The following DNAI3 variants were observed in gnomAD, a reference collection of about 807,000 sequenced individuals.
DNAI3 encodes the protein dynein axonemal intermediate chain 3, also known as WD repeat domain 63.
A neutral mutation model predicts 115.5 loss-of-function variants in DNAI3; 83 were observed. That is an observed-to-expected ratio of 0.72 (90% CI 0.60 to 0.86). The LOEUF is 0.86. Ranked by LOEUF, DNAI3 falls within the 40% of genes least tolerant of loss-of-function variation. The pLI, the probability that DNAI3 is intolerant of heterozygous loss-of-function variation, is 0.00. For synonymous variants in DNAI3, 320 were observed against 347.0 expected (o/e 0.92, Z 0.86); for missense variants, 1,004 against 1,075.8 (o/e 0.93, Z 0.93).
At chr1:85,088,056 G>C (rs1472323766) in intron 7 of DNAI3, among the ~76,000 whole-genome samples, 1 of 152,072 alleles carries the variant, frequency 6.6e-6, no homozygotes, top group Non-Finnish European at 1.5e-5. Flanking sequence ...CAGGGAAGGA[G>C]GACATCAGAC....
intron 6 of DNAI3, 26 bp downstream of exon 6, chr1:85,084,721 A>G (rs1449186689): frequency 9.8e-6 from 14 of 1,430,632 alleles, no homozygotes; most frequent in Non-Finnish European, 1.3e-5. Context: ...ATGATCTGTA[A>G]TCATTACCTC....
Position 85,117,815 on chromosome 1 carries a change from A to G in DNAI3, c.1873A>G (p.Lys625Glu), listed in dbSNP as rs1488818976. ...NLESGMANLL[K>E]PIDDFCTKFF... ...GGAAAGTGGGATGGCCAATCTTCTC[A>G]AGCCAATAGATGACTTCTGCACAAA... The change falls in exon 17 of 23, where the codon AAG becomes GAG. Residue 625 changes from lysine (K) to glutamate (E), a missense_variant. Lys to Glu is a moderately conservative substitution (Grantham distance 56, BLOSUM62 1). Around this residue, in one of 3 missense-constraint regions of DNAI3, gnomAD observed 429 missense variants for 454.3 expected, o/e 0.94. Coordinates refer to ENST00000294664, the MANE Select transcript of DNAI3 (RefSeq NM_145172.5). 8 of 1,613,906 alleles carry G rather than the reference A, an allele frequency of 5.0e-6. No homozygotes were observed. The highest frequency in any genetic ancestry group is 6.8e-6 in the Non-Finnish European group (8 of 1,179,788).
Position 85,090,244 on chromosome 1 carries a change from C to T in DNAI3, c.857+12C>T. On this transcript the variant is annotated intron_variant, in intron 8 of 22. Transcript: ENST00000294664. ...AATGCATCCATAAGGTAAAAAATTG[C>T]ATATTAAATTTTAAAAATAAAACAT... 4 of 1,443,548 alleles carry T rather than the reference C, an allele frequency of 2.8e-6. No homozygotes were observed. Among genetic ancestry groups the T allele is most frequent in the South Asian group, 1.4e-5 (1 of 73,290 alleles). 89.4% of individuals were successfully genotyped at this position (1,443,548 alleles called of 1,614,324 possible).
At chr1:85,078,119 A>G (rs1654515694) in intron 3 of DNAI3, among the ~76,000 whole-genome samples, 1 of 152,128 alleles carries the variant, frequency 6.6e-6, no homozygotes, top group South Asian at 2.1e-4. Flanking sequence ...GTCTATGTGT[A>G]GAGAAGCAGG....
intron 11 of DNAI3, 140 bp from the exon 12 acceptor site, chr1:85,097,429 A>G: frequency 1.8e-6 from 1 of 548,172 alleles, no homozygotes; most frequent in Non-Finnish European, 2.9e-6. Flanking sequence ...AAAATTGCTG[A>G]CTTACTTAAG....
chr1:85,081,158 A>G, intron 3 of DNAI3, 76 bp from the exon 4 acceptor site: 1 of 1,218,770 alleles, frequency 8.2e-7, no homozygotes, highest in Non-Finnish European at 1.1e-6. Context: ...ATTAAAACCA[A>G]GCGATTGCAT....
At position 85,124,162 on chromosome 1, in the gene DNAI3, G is replaced by A. The variant is rs778236609; in HGVS notation, c.2023G>A (p.Val675Ile). 43 of 1,614,100 alleles carry A rather than the reference G, an allele frequency of 2.7e-5. No individual in the cohort carries two copies. In the South Asian group the frequency reaches 4.5e-4, roughly 17 times the overall value. Residue 675 changes from valine (V) to isoleucine (I), a missense_variant, in exon 19 of 23, where the codon GTC becomes ATC. Transcript: ENST00000294664. ...VSHHTIHDGT[V>I]HTIQRSPFYN... The stretch of plus-strand genomic sequence containing the variant: ...CCACCACACCATTCACGACGGAACT[G>A]TCCACACTATTCAGAGATCACCTTT...
chr1:85,127,081 T>C (rs1656170186), intron 20 of DNAI3, among the ~76,000 whole-genome samples: 1 of 152,226 alleles, frequency 6.6e-6, no homozygotes, highest in Non-Finnish European at 1.5e-5. Flanking sequence ...ATCTTTGTTA[T>C]CTTTTGCTGA....
At chr1:85,075,688 A>T (rs550394589) in intron 3 of DNAI3, among the ~76,000 whole-genome samples, 56 of 152,338 alleles carry the variant, frequency 3.7e-4, no homozygotes, top group African/African-American at 1.3e-3. Flanking sequence ...AGGGCCTAAC[A>T]AGGCAATGCC....
rs1360976005 is a variant in DNAI3 at position 85,128,746 on chromosome 1, A to G, written c.2356A>G (p.Thr786Ala). The G allele has an allele frequency of 6.2e-7, 1 of 1,612,732 alleles. No homozygotes were observed. Among genetic ancestry groups the G allele is most frequent in the East Asian group, 2.2e-5 (1 of 44,838 alleles). Residue 786 changes from threonine to alanine, a missense_variant, in exon 21 of 23, where the codon ACA becomes GCA. Transcript: ENST00000294664. Reference sequence around the variant, plus strand: ...TATAGCCACAGCTGATTATTATGGAACACTGCATATATTAGAAATTCCTTG... The same window carrying G: ...TATAGCCACAGCTGATTATTATGGAGCACTGCATATATTAGAAATTCCTTG... ...QFIATADYYG[T>A]LHILEIPWTL...
At chr1:85,085,807 C>A in intron 6 of DNAI3, 24 bp from the exon 7 acceptor site, 1 of 1,608,474 alleles carries the variant, frequency 6.2e-7, no homozygotes. Flanking sequence ...ATTATGTTAC[C>A]TTTACTGTTT....
intron 18 of DNAI3, 36 bp from the exon 19 acceptor site, chr1:85,124,085 T>G (rs1158578664): frequency 1.9e-6 from 3 of 1,612,952 alleles, no homozygotes; most frequent in Non-Finnish European, 2.5e-6. Context: ...CAAACAGTGT[T>G]ATTAAAGATG....
chr1:85,111,018 C>G (rs1451377000), intron 16 of DNAI3, among the ~76,000 whole-genome samples: 1 of 152,092 alleles, frequency 6.6e-6, no homozygotes, highest in African/African-American at 2.4e-5. Context: ...CATGAATATC[C>G]CACCTGGAGA....
At chr1:85,109,959 T>C (rs986722234) in intron 15 of DNAI3, 89 bp from the exon 16 acceptor site, 23 of 1,249,896 alleles carry the variant, frequency 1.8e-5, no homozygotes, top group South Asian at 2.5e-5. Flanking sequence ...TCCTTCAATA[T>C]GGGAGCAGAA....
chr1:85,116,860 CAAAG>C (rs1194020317), intron 16 of DNAI3, among the ~76,000 whole-genome samples: 1 of 152,108 alleles, frequency 6.6e-6, no homozygotes, highest in Non-Finnish European at 1.5e-5. Context: ...AGATCCAAAA[CAAAG>C]AGAGTATTGG....
chr1:85,101,656 A>G (rs147731182), intron 13 of DNAI3, among the ~76,000 whole-genome samples: 7,632 of 133,692 alleles, frequency 0.057, 265 homozygotes, highest in East Asian at 0.18. Context: ...TGAACCGGAG[A>G]GGCGGAGCTT....
chr1:85,069,835 T>G (rs573669337), intron 1 of DNAI3, among the ~76,000 whole-genome samples: 17 of 152,266 alleles, frequency 1.1e-4, no homozygotes, highest in South Asian at 2.1e-4. Context: ...GATGAAAGAT[T>G]TGAAATTATG....
chr1:85,078,663 C>A (rs1393393729), intron 3 of DNAI3, among the ~76,000 whole-genome samples: 1 of 152,152 alleles, frequency 6.6e-6, no homozygotes, highest in Non-Finnish European at 1.5e-5. Context: ...GGCTGGTGAC[C>A]CTTTGGGGTG....
Position 85,123,515 on chromosome 1 carries a change from T to G in DNAI3, c.1982-606T>G, listed in dbSNP as rs111637954. ...CTCTCCTTAGGACTTTGGTGTGTGTTGTTTCCACTGTCTGGAATGTTCCTT... is the reference window on the plus strand; with the variant it reads ...CTCTCCTTAGGACTTTGGTGTGTGTGGTTTCCACTGTCTGGAATGTTCCTT... On this transcript the variant is annotated intron_variant, in intron 18 of 22. Coordinates refer to ENST00000294664, the MANE Select transcript of DNAI3 (RefSeq NM_145172.5). Among the ~76,000 whole-genome samples, 1,065 of 152,316 alleles carry G rather than the reference T, an allele frequency of 7.0e-3. 13 individuals are homozygous for G. The highest frequency in any genetic ancestry group is 0.024 in the African/African-American group (994 of 41,570).
Sources: allele counts gnomAD v4.1 joint callset (sites outside exome capture counted in the v4.1 genomes callset), GRCh38; gene constraint gnomAD v4.1.1; regional missense constraint gnomAD v4.1.1; transcripts MANE v1.5; gene names NCBI Gene and HGNC (gene_info 2026-07-23, HGNC 2026-07-21).